The following ACOX3 variants were observed in gnomAD, a reference collection of about 807,000 sequenced individuals.
The protein encoded by ACOX3 is peroxisomal acyl-coenzyme A oxidase 3.
A neutral mutation model predicts 81.5 loss-of-function variants in ACOX3; 73 were observed. That is an observed-to-expected ratio of 0.90 (90% confidence interval 0.74 to 1.09). The LOEUF is 1.09. Ranked by LOEUF, ACOX3 falls within the 50% of genes least tolerant of loss-of-function variation. The pLI, the probability that ACOX3 is intolerant of heterozygous loss-of-function variation, is 0.00. For synonymous variants in ACOX3, 387 were observed against 375.1 expected, an observed-to-expected ratio of 1.03 and a Z score of -0.37; for missense variants, 947 against 928.0, an observed-to-expected ratio of 1.02 and a Z score of -0.27.
rs1165262796 is a variant in ACOX3 at position 8,384,946 on chromosome 4, T to G, written c.1538-3339A>C. ...CAGGTGCCAGTTTTGTGGGAGACAT[T>G]CCCTGACCCACCAAGGCAGACCTCA... On this transcript the variant is annotated intron_variant, in intron 13 of 17. Transcript: ENST00000356406. The surrounding 1 kb of genome is among the most constrained non-coding windows in gnomAD (Gnocchi z 5.3). Among the ~76,000 whole-genome samples, 1 of 152,078 alleles carries G rather than the reference T, an allele frequency of 6.6e-6. No homozygotes were observed. The highest frequency in any genetic ancestry group is 1.5e-5 in the Non-Finnish European group (1 of 68,004).
intron 5 of ACOX3, among the ~76,000 whole-genome samples, chr4:8,412,793 C>A (rs1404627424): frequency 1.3e-5 from 2 of 151,974 alleles, no homozygotes; most frequent in Non-Finnish European, 1.5e-5. Flanking sequence ...GGGTGAGGAC[C>A]CTCCCCATCC....
Position 8,381,494 on chromosome 4 carries a change from G to A in ACOX3, c.1651C>T (p.Gln551Ter). Reference protein sequence around the residue: ...SSDFEARNKCQVSHGRPLALA... With the variant: ...SSDFEARNKC ...GAATTTTGAAAACAAATACTTACCT[G>A]GCATTTGTTCCTTGCTTCAAAGTCA... Residue 551 changes from glutamine (Q) to a stop codon, truncating the protein, a stop_gained and splice_region_variant, in exon 14 of 18, where the codon CAG (glutamine) becomes TAG (stop). Transcript: ENST00000356406. LOFTEE classifies it high-confidence loss of function. This position sits in a 1 kb window ranked among gnomAD's most constrained non-coding sequence, Gnocchi z 4.3. 12 of 1,609,350 alleles carry A rather than the reference G, an allele frequency of 7.5e-6. No individual in the cohort carries two copies. The highest frequency in any genetic ancestry group is 2.2e-5 in the East Asian group (1 of 44,850).
intron 1 of ACOX3, among the ~76,000 whole-genome samples, chr4:8,433,771 A>G (rs912274888): frequency 1.3e-5 from 2 of 152,240 alleles, no homozygotes; most frequent in Non-Finnish European, 2.9e-5. Flanking sequence ...ATTAATGTAC[A>G]AAAGTAATTA....
chr4:8,390,041 T>C (rs1378245784), intron 11 of ACOX3, among the ~76,000 whole-genome samples: 2 of 147,002 alleles, frequency 1.4e-5, no homozygotes, highest in Admixed American at 6.8e-5. Flanking sequence ...AGGCGGAGGT[T>C]GCAGTGAGCC....
intron 9 of ACOX3, among the ~76,000 whole-genome samples, chr4:8,395,803 G>C (rs1719629079): frequency 6.6e-6 from 1 of 152,208 alleles, no homozygotes; most frequent in South Asian, 2.1e-4. Context: ...TTACTAAACA[G>C]GCTCATAGCC....
At chr4:8,415,647 G>T in intron 3 of ACOX3, 119 bp downstream of exon 3, 1 of 787,164 alleles carries the variant, frequency 1.3e-6, no homozygotes, top group Non-Finnish European at 2.0e-6. Flanking sequence ...TTTAAAATTT[G>T]CAAATATAGC....
chr4:8,395,367 G>A (rs1214155753), intron 9 of ACOX3, among the ~76,000 whole-genome samples: 1 of 134,606 alleles, frequency 7.4e-6, no homozygotes, highest in Non-Finnish European at 1.6e-5. Context: ...TGGATGCGTG[G>A]ACAGGTGGGG....
intron 17 of ACOX3, among the ~76,000 whole-genome samples, chr4:8,367,317 T>TA (rs199644715): frequency 0.019 from 2,897 of 151,130 alleles, 50 homozygotes; most frequent in Non-Finnish European, 0.029. Flanking sequence ...CCATCTCTAC[T>TA]AAAAAAAAAT....
rs999743548 is a variant in ACOX3, at chr4:8,389,110, C to T, written c.1537+63G>A. 9.2e-6 allele frequency: 13 copies of T among 1,409,488 alleles called. No homozygotes were observed. In the East Asian group the frequency reaches 9.3e-5, roughly 10 times the overall value. The allele number at this position is 1,409,488 out of a possible 1,614,324, so 87.3% of individuals were successfully genotyped here. A position where few individuals can be genotyped will look rare whatever the true frequency, so the allele number is the denominator to read the frequency against. ...AGGGTCCCCTCACCGAGGCACGGTG[C>T]GTTTCCTGGTGGGAATGACAGGAAA... On this transcript the variant is annotated intron_variant, in intron 13 of 17. Transcript: ENST00000356406. The surrounding 1 kb of genome is among the most constrained non-coding windows in gnomAD (Gnocchi z 5.3).
In ACOX3 at chr4:8,381,695, G is replaced by T; in HGVS notation, c.1538-88C>A. 1.1e-6 allele frequency: 1 copy of T among 948,350 alleles called. No homozygotes were observed. The highest frequency in any genetic ancestry group is 1.6e-6 in the Non-Finnish European group (1 of 612,018). The allele number at this position is 948,350 out of a possible 1,614,324, so 58.7% of individuals were successfully genotyped here. On this transcript the variant is annotated intron_variant, in intron 13 of 17. Transcript: ENST00000356406. This position sits in a 1 kb window ranked among gnomAD's most constrained non-coding sequence, Gnocchi z 4.3. ...CACCCCCAGGGACAAGGCACTGCCA[G>T]CATCCTGCAGGTACCAGGTTGTCTT...
In ACOX3 at chr4:8,423,738, T is replaced by C. The variant is rs1156667898; in HGVS notation, c.-14-7203A>G. On this transcript the variant is annotated intron_variant, in intron 1 of 17. Transcript: ENST00000356406. This position sits in a 1 kb window ranked among gnomAD's most constrained non-coding sequence, Gnocchi z 4.2. ...CAGTCCTGGACCTTAAGGATGCCTTTTACTGCATCCCTGTACATCCTGACT... is the reference window on the plus strand; with the variant it reads ...CAGTCCTGGACCTTAAGGATGCCTTCTACTGCATCCCTGTACATCCTGACT... Among the ~76,000 whole-genome samples the C allele has an allele frequency of 6.6e-6, 1 of 152,212 alleles. No homozygotes were observed. Among genetic ancestry groups the C allele is most frequent in the Non-Finnish European group, 1.5e-5 (1 of 68,046 alleles).
intron 1 of ACOX3, among the ~76,000 whole-genome samples, chr4:8,420,625 C>A (rs1344808521): frequency 6.6e-6 from 1 of 152,198 alleles, no homozygotes; most frequent in Non-Finnish European, 1.5e-5. Context: ...CCAGATCAGG[C>A]AACGCCCTTT....
At chr4:8,404,093 G>A (rs78424047) in intron 7 of ACOX3, among the ~76,000 whole-genome samples, 89 of 152,344 alleles carry the variant, frequency 5.8e-4, no homozygotes, top group African/African-American at 2.1e-3. Flanking sequence ...GCGCTTCAGA[G>A]CTTCTCACCC....
Position 8,432,905 on chromosome 4 carries a change from A to T in ACOX3, c.-15+7743T>A, listed in dbSNP as rs532413057. ...AATGTGCAGCAGTTAAATACATTCA[A>T]TTTCCCATAAATCTAATTTAAATCA... On this transcript the variant is annotated intron_variant, in intron 1 of 17. Transcript: ENST00000356406. This position sits in a 1 kb window ranked among gnomAD's most constrained non-coding sequence, Gnocchi z 6.2. Among the ~76,000 whole-genome samples, 1 of 152,232 alleles carries T rather than the reference A, an allele frequency of 6.6e-6. No homozygotes were observed. The highest frequency in any genetic ancestry group is 1.5e-5 in the Non-Finnish European group (1 of 68,038).
Position 8,431,763 on chromosome 4 carries a change from T to C in ACOX3, c.-15+8885A>G, listed in dbSNP as rs1406535775. 2.0e-5 allele frequency among the ~76,000 whole-genome samples: 3 copies of C among 152,170 alleles called. No individual in the cohort carries two copies. The highest frequency in any genetic ancestry group is 2.1e-4 in the South Asian group (1 of 4,824). ...CATAGGGCCTCACCCACCCCCTCTC[T>C]TGTTTATCTTGACTTCTGTCCCACT... is the stretch of plus-strand genomic sequence containing the variant. On this transcript the variant is annotated intron_variant, in intron 1 of 17. Coordinates refer to ENST00000356406, the MANE Select transcript of ACOX3 (RefSeq NM_003501.3). This position sits in a 1 kb window ranked among gnomAD's most constrained non-coding sequence, Gnocchi z 5.3.
the ACOX3 span, chr4:8,355,619 G>A: frequency 6.6e-6 from 1 of 152,200 alleles, no homozygotes; most frequent in Non-Finnish European, 1.5e-5. Context: ...TGTGAGAAAG[G>A]ACTTTCCAAG....
rs555959261 is a variant in ACOX3, at chr4:8,416,825, G to T, written c.-14-290C>A. Among the ~76,000 whole-genome samples the T allele has an allele frequency of 6.6e-6, 1 of 152,226 alleles. No homozygotes were observed. The highest frequency in any genetic ancestry group is 2.4e-5 in the African/African-American group (1 of 41,454). On this transcript the variant is annotated intron_variant, in intron 1 of 17. Coordinates refer to ENST00000356406, the MANE Select transcript of ACOX3 (RefSeq NM_003501.3). The surrounding 1 kb of genome is among the most constrained non-coding windows in gnomAD (Gnocchi z 4.2). Reference sequence around the variant, plus strand: ...AGGGCAGAGGGTTTGTCAGAGTCTTGTTTTCTGTCACACAGCCTTGCCTGA... The same window carrying T: ...AGGGCAGAGGGTTTGTCAGAGTCTTTTTTTCTGTCACACAGCCTTGCCTGA...
the ACOX3 span, chr4:8,357,767 G>A: frequency 2.2e-5 from 4 of 181,496 alleles, no homozygotes; most frequent in Admixed American, 2.1e-4. Context: ...TGCGTGGCCT[G>A]GACACGGCCC....
rs1467707957 is a variant in ACOX3 at position 8,407,837 on chromosome 4, G to C, written c.688-1794C>G. Among the ~76,000 whole-genome samples, 1 of 152,230 alleles carries C rather than the reference G, an allele frequency of 6.6e-6. No individual in the cohort carries two copies. Among genetic ancestry groups the C allele is most frequent in the African/African-American group, 2.4e-5 (1 of 41,476 alleles). Reference sequence around the variant, plus strand: ...TTCATCCTTGGGCACTGTTACAGCAGGGATTCCCAACCATGAGACGTGCCA... The same window carrying C: ...TTCATCCTTGGGCACTGTTACAGCACGGATTCCCAACCATGAGACGTGCCA... On this transcript the variant is annotated intron_variant, in intron 6 of 17. Coordinates refer to ENST00000356406, the MANE Select transcript of ACOX3 (RefSeq NM_003501.3). The surrounding 1 kb of genome is among the most constrained non-coding windows in gnomAD (Gnocchi z 4.6).
Sources: allele counts gnomAD v4.1 joint callset (sites outside exome capture counted in the v4.1 genomes callset), GRCh38; gene constraint gnomAD v4.1.1; non-coding constraint Gnocchi (gnomAD v3.1); transcripts MANE v1.5; gene names NCBI Gene and HGNC (gene_info 2026-07-23, HGNC 2026-07-21).